Variants in PCM1 observed in about 807,000 individuals in gnomAD.
The protein encoded by PCM1 is pericentriolar material 1 protein.
PCM1 carries 157 observed loss-of-function variants against 241.9 expected under a neutral mutation model. That is an observed-to-expected ratio of 0.65 (90% confidence interval 0.57 to 0.74). The LOEUF is 0.74. Ranked by LOEUF, PCM1 falls within the 30% of genes least tolerant of loss-of-function variation. The pLI is 0.00. For missense variants in PCM1, 3,478 were observed against 2,360.1 expected (o/e 1.47, Z -9.81); for synonymous variants, 1,085 against 784.9 (o/e 1.38, Z -6.39).
At chr8:18,001,532 C>G (rs2089424712) in intron 29 of PCM1, among the ~76,000 whole-genome samples, 1 of 152,108 alleles carries the variant, frequency 6.6e-6, no homozygotes, top group Non-Finnish European at 1.5e-5. Flanking sequence ...GAGACATGTG[C>G]AACAAATGGA....
Position 18,017,603 on chromosome 8 carries a change from C to T in PCM1, c.5841+2763C>T, listed in dbSNP as rs141809917. Among the ~76,000 whole-genome samples, 1,216 of 152,288 alleles carry T rather than the reference C, an allele frequency of 8.0e-3. 11 individuals carry two copies. Among genetic ancestry groups the T allele is most frequent in the African/African-American group, 0.028 (1,160 of 41,552 alleles). On this transcript the variant is annotated intron_variant, in intron 36 of 38. Transcript: ENST00000325083. ...GCATGGTGGTTCATGCCTGTAATCC[C>T]AGCCCTTTGGGAGGCCAAGGCAGGC...
At position 18,011,806 on chromosome 8, in the gene PCM1, A is replaced by C. The variant is rs1161584676; in HGVS notation, c.5490A>C (p.Glu1830Asp). The C allele has an allele frequency of 6.2e-7, 1 of 1,613,184 alleles. No individual in the cohort carries two copies. The highest frequency in any genetic ancestry group is 2.2e-5 in the East Asian group (1 of 44,850). The change falls in exon 34 of 39, where the codon GAA becomes GAC. Residue 1830 changes from glutamate (E) to aspartate (D), a missense_variant. Transcript: ENST00000325083. The stretch of plus-strand genomic sequence containing the variant: ...TCCAGGCTAACACTGAAGCTACTGA[A>C]GAAAATGAACATGATGAACAGGTAT... Reference protein sequence around the residue: ...TSLQANTEATEENEHDEQVLQ... With the variant: ...TSLQANTEATDENEHDEQVLQ...
intron 23 of PCM1, 113 bp downstream of exon 23, chr8:17,972,800 A>G: frequency 2.1e-6 from 1 of 468,242 alleles, no homozygotes; most frequent in Non-Finnish European, 3.6e-6. Flanking sequence ...GCTGTTCTAG[A>G]CTTAGTTGAA....
At chr8:18,027,532 T>C (rs2094323512) in intron 38 of PCM1, 105 bp from the exon 39 acceptor site, 1 of 706,492 alleles carries the variant, frequency 1.4e-6, no homozygotes, top group Admixed American at 2.8e-5. Flanking sequence ...GGATTTCTTT[T>C]ATAATAACGT....
intron 23 of PCM1, among the ~76,000 whole-genome samples, chr8:17,973,529 A>G (rs2077569260): frequency 6.6e-6 from 1 of 151,812 alleles, no homozygotes; most frequent in Non-Finnish European, 1.5e-5. Flanking sequence ...GACCAGCCTG[A>G]CCAACATGGT....
intron 29 of PCM1, among the ~76,000 whole-genome samples, chr8:18,004,790 T>C (rs2090770184): frequency 6.6e-6 from 1 of 152,196 alleles, no homozygotes; most frequent in Non-Finnish European, 1.5e-5. Flanking sequence ...CACTTTCTTC[T>C]TTCTAGTAGC....
Position 17,963,222 on chromosome 8 carries a change from C to T in PCM1, c.2585C>T (p.Pro862Leu), listed in dbSNP as rs763643335. The T allele has an allele frequency of 4.3e-6, 7 of 1,613,496 alleles. No homozygotes were observed. The highest frequency in any genetic ancestry group is 1.7e-6 in the Non-Finnish European group (2 of 1,179,696). Residue 862 changes from proline (P) to leucine (L), a missense_variant, in exon 17 of 39, where the codon CCA (proline) becomes CTA (leucine). By Grantham distance (98) the Pro-to-Leu change is moderately conservative (BLOSUM62 -3). Transcript: ENST00000325083. ...CAAGGTCTAGCTGAAACTGCATCTC[C>T]AGTGGCTGTGTCATTGAGAAGTGAT... The part of the protein sequence containing the change: ...RRQGLAETAS[P>L]VAVSLRSDGS...
At chr8:17,935,767 C>T (rs111723303) in intron 3 of PCM1, 61 bp downstream of exon 3, 44 of 811,398 alleles carry the variant, frequency 5.4e-5, no homozygotes, top group African/African-American at 3.0e-4. Context: ...GCAGTTTTCC[C>T]CCTGACCAAA....
Position 17,960,417 on chromosome 8 carries a change from A to T in PCM1, c.2295A>T (p.Ala765=). 6.2e-7 allele frequency: 1 copy of T among 1,604,378 alleles called. No individual in the cohort carries two copies. Among genetic ancestry groups the T allele is most frequent in the Non-Finnish European group, 8.5e-7 (1 of 1,176,730 alleles). Reference sequence around the variant, plus strand: ...TTGACATTCAGGAGAAAATTCAAGCATTGCAAACGGCATGCCCTGACTTAC... The same window carrying T: ...TTGACATTCAGGAGAAAATTCAAGCTTTGCAAACGGCATGCCCTGACTTAC... The part of the protein sequence containing the change: ...KLIDIQEKIQ[A]LQTACPDLQL... The change falls in exon 15 of 39, where the codon GCA becomes GCT. Residue 765 remains alanine (A), a synonymous_variant. Transcript: ENST00000325083.
At chr8:17,947,442 AC>A in intron 7 of PCM1, 79 bp downstream of exon 7, 19 of 967,592 alleles carry the variant, frequency 2.0e-5, no homozygotes, top group Non-Finnish European at 2.9e-5. Context: ...GCTGATTATT[AC>A]ATAATCAGAT....
chr8:18,007,159 A>C (rs1352363198), intron 30 of PCM1, among the ~76,000 whole-genome samples: 42 of 152,186 alleles, frequency 2.8e-4, no homozygotes, highest in Non-Finnish European at 2.9e-5. Context: ...GAGATAGTTC[A>C]GTGATGTGTA....
At chr8:17,986,147 T>TA in intron 26 of PCM1, 60 bp downstream of exon 26, 3 of 1,163,166 alleles carry the variant, frequency 2.6e-6, no homozygotes, top group Non-Finnish European at 3.5e-6. Context: ...AAATAAAAGT[T>TA]AAATAGATTA....
At chr8:18,014,347 A>C (rs2129486230) in intron 35 of PCM1, among the ~76,000 whole-genome samples, 1 of 152,134 alleles carries the variant, frequency 6.6e-6, no homozygotes, top group African/African-American at 2.4e-5. Flanking sequence ...TATTACTGAA[A>C]GTCCTAATTT....
At position 17,956,118 on chromosome 8, in the gene PCM1, A is replaced by T. The variant is rs1470363720; in HGVS notation, c.1472+465A>T. On this transcript the variant is annotated intron_variant, in intron 10 of 38. Coordinates refer to ENST00000325083, the MANE Select transcript of PCM1 (RefSeq NM_006197.4). ...CGTTGGCGCAGTTCCTGGCACTTAC[A>T]GTAAGAACTCAGCTAACTTAATTTT... Among the ~76,000 whole-genome samples the T allele has an allele frequency of 2.0e-5, 3 of 152,352 alleles. No homozygotes were observed. In the East Asian group the frequency reaches 5.8e-4, roughly 29 times the overall value.
At chr8:17,925,943 C>G (rs1438161238) in intron 2 of PCM1, 1 of 151,500 alleles carries the variant, frequency 6.6e-6, no homozygotes, top group Admixed American at 6.6e-5. Flanking sequence ...ATGAGACTGT[C>G]ATGAGAAAAT....
chr8:17,930,182 C>G (rs1019857898), intron 2 of PCM1, among the ~76,000 whole-genome samples: 20 of 147,540 alleles, frequency 1.4e-4, no homozygotes, highest in African/African-American at 4.7e-4. Context: ...GGGTTCACTA[C>G]AAGCTCCGCC....
intron 29 of PCM1, among the ~76,000 whole-genome samples, chr8:17,996,786 C>T (rs149506781): frequency 2.0e-5 from 3 of 152,254 alleles, no homozygotes; most frequent in Non-Finnish European, 4.4e-5. Flanking sequence ...AACAAGCAAA[C>T]AAAATGAAAA....
In PCM1 at chr8:17,960,031, A is replaced by G. The variant is rs563932493; in HGVS notation, c.2058A>G (p.Gln686=). 3.1e-6 allele frequency: 5 copies of G among 1,612,742 alleles called. No homozygotes were observed. Among genetic ancestry groups the G allele is most frequent in the African/African-American group, 2.7e-5 (2 of 75,016 alleles). Residue 686 remains glutamine (Q), a synonymous_variant, in exon 14 of 39, where the codon CAA becomes CAG. Coordinates refer to ENST00000325083, the MANE Select transcript of PCM1 (RefSeq NM_006197.4). ...VAMVQDDDAA[Q]GVISASASNL... is the part of the protein sequence containing the mutation. ...TCTTTCAGGATGATGATGCAGCTCA[A>G]GGAGTTATCTCTGCCAGTGCATCAA...
chr8:17,923,500 CGG>C (rs1563526381), intron 1 of PCM1, among the ~76,000 whole-genome samples: 3 of 152,196 alleles, frequency 2.0e-5, no homozygotes, highest in African/African-American at 7.2e-5. Context: ...CCGGTGGCTC[CGG>C]CTATACCCCT....
Sources: gnomAD v4.1 joint callset for allele counts (sites outside exome capture counted in the v4.1 genomes callset) on GRCh38, gnomAD v4.1.1 for gene constraint, MANE v1.5 for transcripts, NCBI Gene and HGNC (gene_info 2026-07-23, HGNC 2026-07-21) for gene names.